The following HMGA2 variants were observed in gnomAD, a reference collection of about 807,000 sequenced individuals.
HMGA2 encodes high mobility group protein HMGI-C.
HMGA2 carries 8 observed loss-of-function variants against 19.1 expected under a neutral mutation model. The observed-to-expected ratio is 0.42, with a 90% CI of 0.25 to 0.76. The LOEUF (loss-of-function observed/expected upper bound fraction) is 0.76, where lower values mean the gene tolerates loss of function less well. HMGA2 is among the 30% of genes least tolerant of loss of function. The probability of loss-of-function intolerance (pLI) is 0.28; values close to 1 mark genes in which losing one functional copy is unlikely to be tolerated. For missense variants in HMGA2, 109 were observed against 136.3 expected, an observed-to-expected ratio of 0.80 and a Z score of 1.00; for synonymous variants, 60 against 48.8, an observed-to-expected ratio of 1.23 and a Z score of -0.96.
chr12:65,827,011 A>G (rs1399184568), intron 1 of HMGA2: 1 of 152,188 alleles, frequency 6.6e-6, no homozygotes, highest in Non-Finnish European at 1.5e-5. Flanking sequence ...TTTTAAGTTA[A>G]TTAGTCTCAC....
At chr12:65,894,998 C>T (rs778065323) in intron 3 of HMGA2, among the ~76,000 whole-genome samples, 16 of 152,046 alleles carry the variant, frequency 1.1e-4, no homozygotes, top group East Asian at 1.9e-4. Flanking sequence ...GTAAATCCAC[C>T]GGTACCAGTA....
At chr12:65,922,732 C>T (rs189861952) in intron 3 of HMGA2, among the ~76,000 whole-genome samples, 184 of 152,150 alleles carry the variant, frequency 1.2e-3, no homozygotes, top group Admixed American at 3.9e-3. Flanking sequence ...TGGCTGTGTC[C>T]CCACCCAATG....
intron 3 of HMGA2, among the ~76,000 whole-genome samples, chr12:65,934,488 T>C (rs1875824787): frequency 6.6e-6 from 1 of 152,226 alleles, no homozygotes; most frequent in Non-Finnish European, 1.5e-5. Flanking sequence ...GATTTTACTA[T>C]CTAATATGTT....
At chr12:65,865,720 C>T (rs536412109) in intron 3 of HMGA2, among the ~76,000 whole-genome samples, 12 of 150,922 alleles carry the variant, frequency 8.0e-5, no homozygotes, top group African/African-American at 2.7e-4. Flanking sequence ...CTGCAAACTC[C>T]GTCTCCCAGG....
intron 3 of HMGA2, chr12:65,866,785 A>G (rs897258804): frequency 1.5e-5 from 7 of 455,088 alleles, no homozygotes; most frequent in Non-Finnish European, 3.1e-5. Flanking sequence ...CTTTAAAAAA[A>G]AAAATCACTA....
intron 3 of HMGA2, chr12:65,915,639 C>T (rs951728886): frequency 1.3e-6 from 1 of 765,902 alleles, no homozygotes; most frequent in African/African-American, 1.9e-5. Flanking sequence ...AGTAACATTT[C>T]ATTCCCAGCT....
intron 2 of HMGA2, among the ~76,000 whole-genome samples, chr12:65,838,173 T>A (rs1870814119): frequency 6.6e-6 from 1 of 152,178 alleles, no homozygotes. Flanking sequence ...ACTTATGTAG[T>A]TACAGAATGT....
intron 3 of HMGA2, among the ~76,000 whole-genome samples, chr12:65,874,451 G>A (rs76747937): frequency 1.8e-3 from 280 of 152,094 alleles, no homozygotes; most frequent in African/African-American, 6.6e-3. Context: ...AACGAATTAC[G>A]CTCATACAAC....
intron 3 of HMGA2, among the ~76,000 whole-genome samples, chr12:65,934,283 AC>A (rs1233070469): frequency 6.6e-6 from 1 of 152,156 alleles, no homozygotes; most frequent in Non-Finnish European, 1.5e-5. Flanking sequence ...GGGGGATAAA[AC>A]CAGTATTGCC....
intron 3 of HMGA2, among the ~76,000 whole-genome samples, chr12:65,908,957 C>G (rs981108984): frequency 6.6e-6 from 1 of 152,180 alleles, no homozygotes; most frequent in African/African-American, 2.4e-5. Context: ...TACTTCTGAA[C>G]ACATCCGCTG....
At chr12:65,960,437 T>C (rs1194986866) in intron 4 of HMGA2, among the ~76,000 whole-genome samples, 1 of 152,190 alleles carries the variant, frequency 6.6e-6, no homozygotes, top group Non-Finnish European at 1.5e-5. Flanking sequence ...CTTCTCTTCA[T>C]TGAATGCACA....
At chr12:65,952,399 T>G (rs1240370172) in intron 4 of HMGA2, 1 of 1,534,970 alleles carries the variant, frequency 6.5e-7, no homozygotes. Context: ...GGCAATCTTA[T>G]ATATCTACTG....
chr12:65,825,433 G>A lies in HMGA2; in HGVS notation c.111+52G>A. 1.5e-6 allele frequency: 2 copies of A among 1,342,378 alleles called. No homozygotes were observed. Among genetic ancestry groups the A allele is most frequent in the Non-Finnish European group, 2.0e-6 (2 of 1,006,410 alleles). 83.2% of individuals were successfully genotyped at this position (1,342,378 alleles called of 1,614,324 possible). On this transcript the variant is annotated intron_variant, in intron 1 of 4. Coordinates refer to ENST00000403681, the MANE Select transcript of HMGA2 (RefSeq NM_003483.6). The surrounding 1 kb of genome is among the most constrained non-coding windows in gnomAD (Gnocchi z 4.4). ...CCAGCCCACCCCGTCCCCACTGCCG[G>A]GGCCCAGACACGCGCGGGGCGGCCG...
chr12:65,894,765 G>A (rs1302629302), intron 3 of HMGA2, among the ~76,000 whole-genome samples: 1 of 152,162 alleles, frequency 6.6e-6, no homozygotes, highest in African/African-American at 2.4e-5. Flanking sequence ...TACACCCCAA[G>A]GTAGAGACTT....
chr12:65,890,506 C>T (rs765584867), intron 3 of HMGA2, among the ~76,000 whole-genome samples: 5 of 152,040 alleles, frequency 3.3e-5, no homozygotes, highest in South Asian at 2.1e-4. Flanking sequence ...ATTTCTATAA[C>T]GTTGCCTAAG....
chr12:65,863,377 C>T (rs895175527), intron 3 of HMGA2, among the ~76,000 whole-genome samples: 2 of 151,986 alleles, frequency 1.3e-5, no homozygotes, highest in Non-Finnish European at 2.9e-5. Flanking sequence ...TGCAATGTCC[C>T]GGGTGTGTTT....
At chr12:65,934,149 G>A (rs1045446472) in intron 3 of HMGA2, among the ~76,000 whole-genome samples, 1 of 152,166 alleles carries the variant, frequency 6.6e-6, no homozygotes, top group Non-Finnish European at 1.5e-5. Flanking sequence ...TACATTCTAA[G>A]TGCTTTAATT....
At chr12:65,842,592 A>G (rs1452414967) in intron 3 of HMGA2, 5 of 1,532,862 alleles carry the variant, frequency 3.3e-6, no homozygotes, top group Non-Finnish European at 4.4e-6. Context: ...GCTATTAAGG[A>G]GGAGTTTTAC....
intron 3 of HMGA2, among the ~76,000 whole-genome samples, chr12:65,916,545 C>T (rs1875107979): frequency 6.6e-6 from 1 of 152,176 alleles, no homozygotes; most frequent in African/African-American, 2.4e-5. Flanking sequence ...GCATATAACT[C>T]CAGCTTGAAG....
Sources: gnomAD v4.1 joint callset for allele counts (sites outside exome capture counted in the v4.1 genomes callset) on GRCh38, gnomAD v4.1.1 for gene constraint, Gnocchi (gnomAD v3.1) non-coding constraint, MANE v1.5 for transcripts, NCBI Gene and HGNC (gene_info 2026-07-23, HGNC 2026-07-21) for gene names.